Variants in HDAC9 observed in about 807,000 individuals in gnomAD.
HDAC9 encodes the protein histone deacetylase 9, also known as MEF-2 interacting transcription repressor (MITR) protein.
A neutral mutation model predicts 139.4 loss-of-function variants in HDAC9; 41 were observed. The observed-to-expected ratio is 0.29, with a 90% CI of 0.23 to 0.38. The LOEUF (loss-of-function observed/expected upper bound fraction) is 0.38, where lower values mean the gene tolerates loss of function less well. Ranked by LOEUF, HDAC9 falls within the 10% of genes least tolerant of loss-of-function variation. HDAC9 has a pLI of 1.00. For synonymous variants in HDAC9, 517 were observed against 476.2 expected, an observed-to-expected ratio of 1.09 and a Z score of -1.12; for missense variants, 1,147 against 1,297.0, an observed-to-expected ratio of 0.88 and a Z score of 1.78.
chr7:18,409,668 C>G (rs557214594), intron 1 of HDAC9, among the ~76,000 whole-genome samples: 6 of 152,064 alleles, frequency 3.9e-5, no homozygotes, highest in African/African-American at 1.4e-4. Flanking sequence ...TTTCCTTTTT[C>G]GAGTCCATGT....
chr7:18,790,476 G>T (rs1481670459), intron 16 of HDAC9, among the ~76,000 whole-genome samples: 1 of 152,154 alleles, frequency 6.6e-6, no homozygotes, highest in Admixed American at 6.5e-5. Flanking sequence ...CACCAAATGG[G>T]TTGGCACCTT....
At chr7:18,630,463 T>C (rs1782004206) in intron 7 of HDAC9, among the ~76,000 whole-genome samples, 1 of 152,034 alleles carries the variant, frequency 6.6e-6, no homozygotes, top group Admixed American at 6.6e-5. Context: ...AGGAAGACTG[T>C]GGAAGTGGTG....
chr7:18,704,795 A>G (rs1011585005), intron 12 of HDAC9, among the ~76,000 whole-genome samples: 1 of 152,232 alleles, frequency 6.6e-6, no homozygotes, highest in Non-Finnish European at 1.5e-5. Flanking sequence ...TAGCCTACAT[A>G]TCACAAGCAG....
At position 18,617,278 on chromosome 7, in the gene HDAC9, T is replaced by C. The variant is rs141830123; in HGVS notation, c.665-12072T>C. Among the ~76,000 whole-genome samples the C allele has an allele frequency of 2.3e-3, 355 of 152,272 alleles. 1 individual carries two copies. Among genetic ancestry groups the C allele is most frequent in the African/African-American group, 8.3e-3 (345 of 41,558 alleles). ...GAGCCATTTACTGCCTCTTCTGTTA[T>C]GTACAAGGCTAAAGCTCCTCCATCG... On this transcript the variant is annotated intron_variant, in intron 6 of 25. Coordinates refer to ENST00000686413, the MANE Select transcript of HDAC9 (RefSeq NM_178425.4).
rs891072054 is a variant in HDAC9, at chr7:18,648,757, G to A, written c.1467+74G>A. 6 of 1,261,902 alleles carry A rather than the reference G, an allele frequency of 4.8e-6. No individual in the cohort carries two copies. In the Admixed American group the frequency reaches 8.0e-5, roughly 17 times the overall value. 78.2% of individuals were successfully genotyped at this position (1,261,902 alleles called of 1,614,324 possible). A position where few individuals can be genotyped will look rare whatever the true frequency, so the allele number is the denominator to read the frequency against. On this transcript the variant is annotated intron_variant, in intron 11 of 25. Transcript: ENST00000686413. ...TGGGTATCTCTTCACTGATATGGGT[G>A]TCTAAGAGGAATGTTGATGGGAGTC...
intron 2 of HDAC9, among the ~76,000 whole-genome samples, chr7:18,262,588 G>A (rs928531167): frequency 6.6e-6 from 1 of 152,180 alleles, no homozygotes; most frequent in African/African-American, 2.4e-5. Context: ...ATAAAAGACA[G>A]TATAACTGTA....
chr7:18,495,731 G>A, upstream of HDAC9: 1 of 988,618 alleles, frequency 1.0e-6, no homozygotes, highest in Non-Finnish European at 1.2e-6. Flanking sequence ...CTTGAGCTGA[G>A]AGAGACTGAG....
At chr7:18,527,534 T>A (rs2128228031) in intron 2 of HDAC9, among the ~76,000 whole-genome samples, 1 of 152,154 alleles carries the variant, frequency 6.6e-6, no homozygotes, top group East Asian at 1.9e-4. Context: ...CCGAAAAAAA[T>A]CCCTCTTTTG....
chr7:18,138,528 GTGTGTGTGTGTGT>G (rs1465469989), intron 1 of HDAC9, among the ~76,000 whole-genome samples: 1 of 11,316 alleles, frequency 8.8e-5, no homozygotes, highest in Non-Finnish European at 1.6e-4. Context: ...AGAGAGAGAG[GTGTGTGTGTGTGT>G]GTGTGTGTGT....
intron 12 of HDAC9, among the ~76,000 whole-genome samples, chr7:18,700,002 A>T (rs1192941921): frequency 1.3e-5 from 2 of 152,104 alleles, no homozygotes; most frequent in African/African-American, 4.8e-5. Flanking sequence ...CCTCAAAGCC[A>T]TGTTTTGTGG....
At chr7:18,677,925 T>C (rs995101452) in intron 12 of HDAC9, among the ~76,000 whole-genome samples, 17 of 152,020 alleles carry the variant, frequency 1.1e-4, no homozygotes, top group Admixed American at 2.0e-4. Flanking sequence ...TTTGTTTTCC[T>C]GCTTTCTTCC....
intron 24 of HDAC9, among the ~76,000 whole-genome samples, chr7:18,964,924 G>A (rs1783750936): frequency 6.6e-6 from 1 of 152,222 alleles, no homozygotes; most frequent in South Asian, 2.1e-4. Flanking sequence ...ATCACTGAGT[G>A]ATAGAAACAA....
chr7:18,412,609 G>A (rs1788675560), intron 1 of HDAC9, among the ~76,000 whole-genome samples: 2 of 152,168 alleles, frequency 1.3e-5, no homozygotes, highest in African/African-American at 4.8e-5. Context: ...TAACTTGCTG[G>A]CCGTTGCATC....
intron 1 of HDAC9, among the ~76,000 whole-genome samples, chr7:18,413,537 G>C (rs1205967005): frequency 6.6e-6 from 1 of 152,106 alleles, no homozygotes; most frequent in African/African-American, 2.4e-5. Flanking sequence ...TACATCAACA[G>C]TATGATAACA....
chr7:18,240,128 C>CT (rs1233475240), intron 2 of HDAC9, among the ~76,000 whole-genome samples: 2 of 151,976 alleles, frequency 1.3e-5, no homozygotes, highest in Non-Finnish European at 2.9e-5. Flanking sequence ...TAAATGTAAG[C>CT]ATTTGGGGTG....
chr7:18,846,941 T>G (rs1796948466), intron 21 of HDAC9, among the ~76,000 whole-genome samples: 2 of 152,166 alleles, frequency 1.3e-5, no homozygotes, highest in South Asian at 4.1e-4. Context: ...AGCTTGGATT[T>G]GAAAAGTGCG....
intron 1 of HDAC9, among the ~76,000 whole-genome samples, chr7:18,153,028 A>G (rs901443033): frequency 6.6e-6 from 1 of 152,176 alleles, no homozygotes; most frequent in Admixed American, 6.5e-5. Context: ...AGTTGTAGGT[A>G]TAAAGTAGGG....
chr7:18,541,766 T>A (rs1431613011), intron 2 of HDAC9, among the ~76,000 whole-genome samples: 1 of 152,208 alleles, frequency 6.6e-6, no homozygotes, highest in African/African-American at 2.4e-5. Flanking sequence ...TAAATCTTAA[T>A]AATAAATTTG....
chr7:18,625,350 C>G (rs1841389835), intron 6 of HDAC9, among the ~76,000 whole-genome samples: 1 of 152,118 alleles, frequency 6.6e-6, no homozygotes, highest in South Asian at 2.1e-4. Context: ...CAGAGCAGTA[C>G]AATTATTAAC....
Sources: allele counts gnomAD v4.1 joint callset (sites outside exome capture counted in the v4.1 genomes callset), GRCh38; gene constraint gnomAD v4.1.1; transcripts MANE v1.5; gene names NCBI Gene and HGNC (gene_info 2026-07-23, HGNC 2026-07-21).